The following PDE10A variants were observed in gnomAD, a reference collection of about 807,000 sequenced individuals.
PDE10A encodes the protein phosphodiesterase 10A.
A neutral mutation model predicts 97.7 loss-of-function variants in PDE10A; 39 were observed. The ratio of observed to expected loss-of-function variants is 0.40; its 90% CI spans 0.31 to 0.52. PDE10A has a LOEUF of 0.52. Among genes scored for constraint, PDE10A ranks in the 20% least tolerant of loss-of-function variants. The pLI is 0.56. For missense variants in PDE10A, 731 were observed against 1,047.8 expected (o/e 0.70, Z 4.17); for synonymous variants, 371 against 376.8 (o/e 0.98, Z 0.18).
chr6:165,432,886 G>T, intron 7 of PDE10A, 88 bp downstream of exon 7: 1 of 857,784 alleles, frequency 1.2e-6, no homozygotes, highest in South Asian at 1.9e-5. Context: ...TGTATTTTCA[G>T]TTTAGTATTA....
chr6:165,401,596 T>G (rs774625231), intron 13 of PDE10A, among the ~76,000 whole-genome samples: 2 of 152,180 alleles, frequency 1.3e-5, no homozygotes, highest in African/African-American at 2.4e-5. Context: ...TGAAATCATC[T>G]TCATAACCGT....
chr6:165,803,822 G>T (rs1255174739), intron 1 of PDE10A, among the ~76,000 whole-genome samples: 1 of 152,182 alleles, frequency 6.6e-6, no homozygotes, highest in African/African-American at 2.4e-5. Context: ...GGCACAGTTA[G>T]AGAACTCACA....
intron 1 of PDE10A, among the ~76,000 whole-genome samples, chr6:165,851,462 C>T (rs561862495): frequency 5.0e-4 from 76 of 152,302 alleles, no homozygotes; most frequent in African/African-American, 1.8e-3. Flanking sequence ...GCACATATTA[C>T]GTGCTAGACA....
intron 1 of PDE10A, among the ~76,000 whole-genome samples, chr6:165,722,750 G>C (rs1158326630): frequency 1.3e-5 from 2 of 152,048 alleles, no homozygotes; most frequent in Non-Finnish European, 2.9e-5. Context: ...TAAGTTATAT[G>C]AAGTCTGGAG....
At chr6:165,461,881 T>C (rs528602351) in intron 3 of PDE10A, among the ~76,000 whole-genome samples, 2 of 152,260 alleles carry the variant, frequency 1.3e-5, no homozygotes, top group Non-Finnish European at 2.9e-5. Context: ...ATATTCCTCA[T>C]CTTTTACAGG....
At position 165,444,354 on chromosome 6, in the gene PDE10A, G is replaced by A. The variant is rs185487735; in HGVS notation, c.1194+4574C>T. 2.6e-3 allele frequency among the ~76,000 whole-genome samples: 390 copies of A among 152,224 alleles called. 2 individuals carry two copies. The highest frequency in any genetic ancestry group is 8.9e-3 in the African/African-American group (368 of 41,524). Reference sequence around the variant, plus strand: ...TAGGGTCTAGCCCAGAAAAGAAAAGGAATCACAAGTTGGTAAATCCTAACC... The same window carrying A: ...TAGGGTCTAGCCCAGAAAAGAAAAGAAATCACAAGTTGGTAAATCCTAACC... On this transcript the variant is annotated intron_variant, in intron 5 of 21. Transcript: ENST00000539869.
chr6:165,405,490 C>A (rs483260), intron 13 of PDE10A, among the ~76,000 whole-genome samples: 29,001 of 152,178 alleles, frequency 0.19, 3,431 homozygotes, highest in African/African-American at 0.32. Context: ...GCAACACTGA[C>A]TGTCTACTAT....
At chr6:165,411,535 C>T (rs1787834995) in intron 13 of PDE10A, among the ~76,000 whole-genome samples, 2 of 152,260 alleles carry the variant, frequency 1.3e-5, no homozygotes, top group South Asian at 4.1e-4. Flanking sequence ...GACTTCCAGC[C>T]TCCAAAACTG....
chr6:165,502,994 G>GA, intron 2 of PDE10A, among the ~76,000 whole-genome samples: 1 of 152,276 alleles, frequency 6.6e-6, no homozygotes, highest in South Asian at 2.1e-4. Flanking sequence ...TTTATTGTAT[G>GA]TAAATTATAC....
intron 1 of PDE10A, among the ~76,000 whole-genome samples, chr6:165,559,549 G>C (rs1207336333): frequency 2.6e-5 from 4 of 152,132 alleles, no homozygotes; most frequent in Admixed American, 2.6e-4. Flanking sequence ...AGATTATACA[G>C]TAAGCCCATT....
At chr6:165,772,280 T>C (rs1422702964) in intron 1 of PDE10A, among the ~76,000 whole-genome samples, 1 of 152,204 alleles carries the variant, frequency 6.6e-6, no homozygotes, top group Admixed American at 6.5e-5. Context: ...GCATGTCCGT[T>C]ATTAAATGCA....
intron 1 of PDE10A, among the ~76,000 whole-genome samples, chr6:165,964,530 C>T (rs1328964792): frequency 1.3e-5 from 2 of 152,174 alleles, no homozygotes; most frequent in Non-Finnish European, 2.9e-5. Context: ...GCCAATTCTA[C>T]TTAGGGATGC....
chr6:165,687,382 T>C lies in PDE10A; in HGVS notation c.-614-143814A>G, dbSNP rs547579872. Among the ~76,000 whole-genome samples, 10 of 152,362 alleles carry C rather than the reference T, an allele frequency of 6.6e-5. No individual in the cohort carries two copies. In the East Asian group the frequency reaches 1.5e-3, roughly 24 times the overall value. ...ACATGAAGGTAAAGGGTCACTACAC[T>C]GTATGCCAGTCGGGTAAGAACTGCA... is the stretch of plus-strand genomic sequence containing the variant. On this transcript the variant is annotated intron_variant, in intron 1 of 19. Transcript: ENST00000366882.
rs191514551 is a variant in PDE10A at position 165,434,888 on chromosome 6, G to C, written c.1335+349C>G. Among the ~76,000 whole-genome samples, 193 of 152,264 alleles carry C rather than the reference G, an allele frequency of 1.3e-3. 2 individuals are homozygous for C. The highest frequency in any genetic ancestry group is 4.2e-3 in the African/African-American group (175 of 41,554). ...ACTGTATGATACCAGTAAAACTTGAGGTAGTTTGTCATACAGCAATAGCTA... is the reference window on the plus strand; with the variant it reads ...ACTGTATGATACCAGTAAAACTTGACGTAGTTTGTCATACAGCAATAGCTA... On this transcript the variant is annotated intron_variant, in intron 6 of 21. Transcript: ENST00000539869.
intron 13 of PDE10A, among the ~76,000 whole-genome samples, chr6:165,398,942 C>T (rs947222398): frequency 2.0e-5 from 3 of 151,976 alleles, no homozygotes; most frequent in Non-Finnish European, 4.4e-5. Context: ...GAATTCTACT[C>T]GAACTATAAA....
intron 10 of PDE10A, among the ~76,000 whole-genome samples, chr6:165,425,945 T>C (rs977701852): frequency 2.0e-5 from 3 of 151,514 alleles, no homozygotes; most frequent in Admixed American, 2.0e-4. Context: ...AGAAAACAAT[T>C]CCATTTATAA....
chr6:165,746,797 T>C (rs1040050818), intron 1 of PDE10A, among the ~76,000 whole-genome samples: 1 of 152,224 alleles, frequency 6.6e-6, no homozygotes, highest in Non-Finnish European at 1.5e-5. Context: ...ATATATTTGA[T>C]TGCCATCTTT....
chr6:165,630,801 T>A (rs981237561), intron 1 of PDE10A, among the ~76,000 whole-genome samples: 1 of 152,150 alleles, frequency 6.6e-6, no homozygotes, highest in African/African-American at 2.4e-5. Flanking sequence ...TGGAAAAAGA[T>A]CAAAGGTCTA....
At chr6:165,389,689 G>A (rs66848668) in intron 16 of PDE10A, among the ~76,000 whole-genome samples, 28,385 of 152,016 alleles carry the variant, frequency 0.19, 3,167 homozygotes, top group African/African-American at 0.3. Context: ...GAAGCCTCAC[G>A]GCCTGGAGAT....
Sources: allele counts gnomAD v4.1 joint callset (sites outside exome capture counted in the v4.1 genomes callset), GRCh38; gene constraint gnomAD v4.1.1; transcripts MANE v1.5; gene names NCBI Gene and HGNC (gene_info 2026-07-23, HGNC 2026-07-21).